The following EPM2AIP1 variants were observed in gnomAD, a reference collection of about 807,000 sequenced individuals.
EPM2AIP1 encodes the protein EPM2A-interacting protein 1.
EPM2AIP1 carries 23 observed loss-of-function variants against 44.8 expected under a neutral mutation model. The observed-to-expected ratio is 0.51, with a 90% CI of 0.37 to 0.73. The LOEUF is 0.73. Among genes scored for constraint, EPM2AIP1 ranks in the 30% least tolerant of loss-of-function variants. The pLI, the probability that EPM2AIP1 is intolerant of heterozygous loss-of-function variation, is 0.00. For synonymous variants in EPM2AIP1, 311 were observed against 284.3 expected (o/e 1.09, Z -0.94); for missense variants, 652 against 743.9 (o/e 0.88, Z 1.44).
Position 36,987,687 on chromosome 3 carries a change from A to G in EPM2AIP1, c.*3567T>C, listed in dbSNP as rs2080777955. 6.6e-6 allele frequency: 1 copy of G among 152,168 alleles called. No individual in the cohort carries two copies. The highest frequency in any genetic ancestry group is 1.5e-5 in the Non-Finnish European group (1 of 68,016). The allele number at this position is 152,168 out of a possible 1,614,324, so 9.4% of individuals were successfully genotyped here. ...TAATACATATTTAAGTCACATGCTA[A>G]GCACTACACTAAATTCTGAGAATAC... On this transcript the variant is annotated 3_prime_UTR_variant, in exon 1 of 1. Transcript: ENST00000322716.
chr3:36,991,881 T>C lies in EPM2AIP1; in HGVS notation c.1197A>G (p.Arg399=). The C allele has an allele frequency of 1.2e-6, 2 of 1,613,994 alleles. No individual in the cohort carries two copies. Among genetic ancestry groups the C allele is most frequent in the Non-Finnish European group, 1.7e-6 (2 of 1,179,894 alleles). Residue 399 remains arginine, a synonymous_variant, in exon 1 of 1, where the codon CGA becomes CGG. Coordinates refer to ENST00000322716, the MANE Select transcript of EPM2AIP1 (RefSeq NM_014805.4). ...CAGCAGCAGCAAAGACTTTACTAAC[T>C]CGTAATTCTTCACTGAGTTCTCGAA... ...EHLRELSEEL[R]VSKVFAAAAF... is the part of the protein sequence containing the mutation.
At position 36,988,750 on chromosome 3, in the gene EPM2AIP1, T is replaced by C. The variant is rs1365930350; in HGVS notation, c.*2504A>G. 1 of 152,008 alleles carries C rather than the reference T, an allele frequency of 6.6e-6. No individual in the cohort carries two copies. The highest frequency in any genetic ancestry group is 1.5e-5 in the Non-Finnish European group (1 of 68,016). 9.4% of individuals were successfully genotyped at this position (152,008 alleles called of 1,614,324 possible). A position where few individuals can be genotyped will look rare whatever the true frequency, so the allele number is the denominator to read the frequency against. ...CAAGGACTTAGCATAGTAGAGCAATTTGAGTGGCAATACGGGACACTGGGA... is the reference window on the plus strand; with the variant it reads ...CAAGGACTTAGCATAGTAGAGCAATCTGAGTGGCAATACGGGACACTGGGA... On this transcript the variant is annotated 3_prime_UTR_variant, in exon 1 of 1. Transcript: ENST00000322716.
chr3:36,991,884 T>TA lies in EPM2AIP1; in HGVS notation c.1193dup (p.Leu398PhefsTer4). The stretch of plus-strand genomic sequence containing the variant: ...CAGCAGCAAAGACTTTACTAACTCG[T>TA]AATTCTTCACTGAGTTCTCGAAGGT... On this transcript the variant is annotated frameshift_variant, in exon 1 of 1. Transcript: ENST00000322716. LOFTEE classifies it high-confidence loss of function. The TA allele has an allele frequency of 6.2e-7, 1 of 1,614,010 alleles. No individual in the cohort carries two copies. Among genetic ancestry groups the TA allele is most frequent in the Non-Finnish European group, 8.5e-7 (1 of 1,179,876 alleles).
rs764609675 is a variant in EPM2AIP1 at position 36,991,951 on chromosome 3, T to C, written c.1127A>G (p.Gln376Arg). 1.2e-6 allele frequency: 2 copies of C among 1,613,828 alleles called. No individual in the cohort carries two copies. ...CAAGAAGCCAAAGTCACAAAGCCATTGTTTGTCTGAGAAGTGGACTGTTGT... is the reference window on the plus strand; with the variant it reads ...CAAGAAGCCAAAGTCACAAAGCCATCGTTTGTCTGAGAAGTGGACTGTTGT... Reference protein sequence around the residue: ...GATTVHFSDKQWLCDFGFLVD... With the variant: ...GATTVHFSDKRWLCDFGFLVD... Residue 376 changes from glutamine to arginine, a missense_variant, in exon 1 of 1, where the codon CAA becomes CGA. Physicochemically the swap from Gln to Arg is conservative, Grantham distance 43. Transcript: ENST00000322716.
At position 36,991,072 on chromosome 3, in the gene EPM2AIP1, G is replaced by C. The variant is rs1174739833; in HGVS notation, c.*182C>G. 1 of 1,319,334 alleles carries C rather than the reference G, an allele frequency of 7.6e-7. No individual in the cohort carries two copies. Among genetic ancestry groups the C allele is most frequent in the African/African-American group, 1.5e-5 (1 of 67,470 alleles). 81.7% of individuals were successfully genotyped at this position (1,319,334 alleles called of 1,614,324 possible). A position where few individuals can be genotyped will look rare whatever the true frequency, so the allele number is the denominator to read the frequency against. Reference sequence around the variant, plus strand: ...AAAAAGGTGGCATTCTCATGTTTCAGTCCCATGCTGCCATTTGAGATGAAA... The same window carrying C: ...AAAAAGGTGGCATTCTCATGTTTCACTCCCATGCTGCCATTTGAGATGAAA... On this transcript the variant is annotated 3_prime_UTR_variant, in exon 1 of 1. Transcript: ENST00000322716.
At position 36,988,705 on chromosome 3, in the gene EPM2AIP1, A is replaced by G. The variant is rs1447498845; in HGVS notation, c.*2549T>C. On this transcript the variant is annotated 3_prime_UTR_variant, in exon 1 of 1. Coordinates refer to ENST00000322716, the MANE Select transcript of EPM2AIP1 (RefSeq NM_014805.4). ...AAGTCATCAAGTGTTCAAGTGTTTC[A>G]AGGAGGGTAAGACTATTAACAAGGA... 1 of 152,206 alleles carries G rather than the reference A, an allele frequency of 6.6e-6. No individual in the cohort carries two copies. The highest frequency in any genetic ancestry group is 1.5e-5 in the Non-Finnish European group (1 of 68,040). The allele number at this position is 152,206 out of a possible 1,614,324, so 9.4% of individuals were successfully genotyped here.
In EPM2AIP1 at chr3:36,991,470, G is replaced by A; in HGVS notation, c.1608C>T (p.Ser536=). 1.9e-6 allele frequency: 3 copies of A among 1,613,968 alleles called. No individual in the cohort carries two copies. Among genetic ancestry groups the A allele is most frequent in the Non-Finnish European group, 2.5e-6 (3 of 1,179,858 alleles). ...AGGCAACCCCTTTGATAATTGGGTA[G>A]GATTCAGCAGACAATCCAGCATAAA... The part of the protein sequence containing the change: ...GQFYAGLSAE[S]YPIIKGVACK... The change falls in exon 1 of 1, where the codon TCC becomes TCT. Residue 536 remains serine, a synonymous_variant. Coordinates refer to ENST00000322716, the MANE Select transcript of EPM2AIP1 (RefSeq NM_014805.4).
rs910700246 is a variant in EPM2AIP1 at position 36,986,807 on chromosome 3, A to C, written c.*4447T>G. On this transcript the variant is annotated 3_prime_UTR_variant, in exon 1 of 1. Transcript: ENST00000322716. ...AAAAAAAAAAAAAAAAAAAAAAGCCAGTTTTGCAGCAAGCACCAAATCACT... is the reference window on the plus strand; with the variant it reads ...AAAAAAAAAAAAAAAAAAAAAAGCCCGTTTTGCAGCAAGCACCAAATCACT... 1 of 149,812 alleles carries C rather than the reference A, an allele frequency of 6.7e-6. No homozygotes were observed. The highest frequency in any genetic ancestry group is 1.5e-5 in the Non-Finnish European group (1 of 67,524). The allele number at this position is 149,812 out of a possible 1,614,324, so 9.3% of individuals were successfully genotyped here. A position where few individuals can be genotyped will look rare whatever the true frequency, so the allele number is the denominator to read the frequency against.
chr3:36,992,530 G>A lies in EPM2AIP1; in HGVS notation c.548C>T (p.Ala183Val), dbSNP rs190305737. The A allele has an allele frequency of 1.3e-3, 2,167 of 1,614,018 alleles. 4 individuals are homozygous for A. The highest frequency in any genetic ancestry group is 3.0e-3 in the Admixed American group (181 of 60,022). The change falls in exon 1 of 1, where the codon GCT (alanine) becomes GTT (valine). Residue 183 changes from alanine to valine, a missense_variant. Physicochemically the swap from Ala to Val is moderately conservative, Grantham distance 64 (BLOSUM62 0). Transcript: ENST00000322716. This position sits in a 1 kb window ranked among gnomAD's most constrained non-coding sequence, Gnocchi z 5.3. ...KAYSLALDDQ[A>V]FVAYENYLLV... ...GAGGTAGTTCTCATAGGCCACAAAA[G>A]CCTGGTCGTCCAAGGCAAGAGAATA...
At position 36,992,176 on chromosome 3, in the gene EPM2AIP1, A is replaced by G. The variant is rs1355557367; in HGVS notation, c.902T>C (p.Ile301Thr). The stretch of plus-strand genomic sequence containing the variant: ...CTTAATCAAAACTATCCATTCGGAT[A>G]TGGTATTTATGATCTGATTAACATC... The part of the protein sequence containing the change: ...DVDVNQIINT[I>T]SEWIVLIKTR... Residue 301 changes from isoleucine to threonine, a missense_variant, in exon 1 of 1, where the codon ATA becomes ACA. Transcript: ENST00000322716. The surrounding 1 kb of genome is among the most constrained non-coding windows in gnomAD (Gnocchi z 5.3). The G allele has an allele frequency of 6.2e-7, 1 of 1,614,008 alleles. No homozygotes were observed. The highest frequency in any genetic ancestry group is 1.7e-5 in the Admixed American group (1 of 60,028).
Position 36,991,278 on chromosome 3 carries a change from T to C in EPM2AIP1, c.1800A>G (p.Arg600=), listed in dbSNP as rs915788726. The C allele has an allele frequency of 2.5e-6, 4 of 1,607,400 alleles. No homozygotes were observed. Among genetic ancestry groups the C allele is most frequent in the Admixed American group, 1.7e-5 (1 of 58,810 alleles). ...CTTATGGATTAGATTCATTTCTTTCTCTCACAAGGTCATCCCAACCGGGCT... is the reference window on the plus strand; with the variant it reads ...CTTATGGATTAGATTCATTTCTTTCCCTCACAAGGTCATCCCAACCGGGCT... ...EMEPGWDDLV[R]ERNESNP Residue 600 remains arginine, a synonymous_variant, in exon 1 of 1, where the codon AGA becomes AGG. Coordinates refer to ENST00000322716, the MANE Select transcript of EPM2AIP1 (RefSeq NM_014805.4).
chr3:36,992,925 T>G lies in EPM2AIP1; in HGVS notation c.153A>C (p.Glu51Asp). 1.2e-6 allele frequency: 2 copies of G among 1,612,642 alleles called. No homozygotes were observed. Among genetic ancestry groups the G allele is most frequent in the Non-Finnish European group, 1.7e-6 (2 of 1,179,884 alleles). Residue 51 changes from glutamate to aspartate, a missense_variant, in exon 1 of 1, where the codon GAA (glutamate) becomes GAC (aspartate). Glu to Asp is a conservative substitution (Grantham distance 45). Transcript: ENST00000322716. The surrounding 1 kb of genome is among the most constrained non-coding windows in gnomAD (Gnocchi z 5.3). ...CCTCGTAGTGGCGCCTGACGTCGCGTTCGCGGGTAGCTACGATGAGGCGGC... is the reference window on the plus strand; with the variant it reads ...CCTCGTAGTGGCGCCTGACGTCGCGGTCGCGGGTAGCTACGATGAGGCGGC... ...VCRRLIVATR[E>D]RDVRRHYEAE... is the part of the protein sequence containing the mutation.
rs2080794515 is a variant in EPM2AIP1, at chr3:36,990,241, T to C, written c.*1013A>G. ...TGTACGACAGTTCCAAATTTTAGAA[T>C]AAATCCATTTCTAGCATCTAACAAA... On this transcript the variant is annotated 3_prime_UTR_variant, in exon 1 of 1. Transcript: ENST00000322716. 2 of 188,816 alleles carry C rather than the reference T, an allele frequency of 1.1e-5. No individual in the cohort carries two copies. The highest frequency in any genetic ancestry group is 2.0e-5 in the Non-Finnish European group (2 of 101,408). 11.7% of individuals were successfully genotyped at this position (188,816 alleles called of 1,614,324 possible).
At position 36,991,782 on chromosome 3, in the gene EPM2AIP1, T is replaced by C. The variant is rs1395649657; in HGVS notation, c.1296A>G (p.Thr432=). ...CAACTTCTCTGAGGGCAGGAAAGTC[T>C]GTTAGATTTTTTTCCTCAATATGTC... The part of the protein sequence containing the change: ...FQRHIEEKNL[T]DFPALREVVD... The change falls in exon 1 of 1, where the codon ACA becomes ACG. Residue 432 remains threonine, a synonymous_variant. Transcript: ENST00000322716. The C allele has an allele frequency of 3.1e-6, 5 of 1,613,334 alleles. No individual in the cohort carries two copies. The African/African-American group carries it at 5.3e-5, about 17-fold the overall frequency.
rs1212708807 is a variant in EPM2AIP1 at position 36,988,974 on chromosome 3, CTTT to C, written c.*2277_*2279del. ...TTAATACAGAAAACAGTAAAATACACTTTTTTCTTTTTCTTTTTTTTTTTTTTT... is the reference window on the plus strand; with the variant it reads ...TTAATACAGAAAACAGTAAAATACACTTTCTTTTTCTTTTTTTTTTTTTTT... On this transcript the variant is annotated 3_prime_UTR_variant, in exon 1 of 1. Transcript: ENST00000322716. 1.4e-5 allele frequency: 2 copies of C among 139,256 alleles called. No individual in the cohort carries two copies. The highest frequency in any genetic ancestry group is 5.7e-5 in the African/African-American group (2 of 34,820). 8.6% of individuals were successfully genotyped at this position (139,256 alleles called of 1,614,324 possible). A position where few individuals can be genotyped will look rare whatever the true frequency, so the allele number is the denominator to read the frequency against.
In EPM2AIP1 at chr3:36,992,566, T is replaced by A. The variant is rs1472975910; in HGVS notation, c.512A>T (p.Asp171Val). 3 of 1,614,046 alleles carry A rather than the reference T, an allele frequency of 1.9e-6. No individual in the cohort carries two copies. In the South Asian group the frequency reaches 3.3e-5, roughly 18 times the overall value. ...CAAGGCAAGAGAATAGGCTTTAAAG[T>A]CCCTGGCTCGGTTAAAAAGCTGGTT... Reference protein sequence around the residue: ...LRNQLFNRARDFKAYSLALDD... With the variant: ...LRNQLFNRARVFKAYSLALDD... Residue 171 changes from aspartate to valine, a missense_variant, in exon 1 of 1, where the codon GAC becomes GTC. Asp to Val is a radical substitution (Grantham distance 152). Coordinates refer to ENST00000322716, the MANE Select transcript of EPM2AIP1 (RefSeq NM_014805.4). This position sits in a 1 kb window ranked among gnomAD's most constrained non-coding sequence, Gnocchi z 5.3.
rs772665383 is a variant in EPM2AIP1 at position 36,993,104 on chromosome 3, C to T, written c.-27G>A. The T allele has an allele frequency of 3.8e-6, 6 of 1,574,834 alleles. No individual in the cohort carries two copies. Among genetic ancestry groups the T allele is most frequent in the Non-Finnish European group, 5.2e-6 (6 of 1,158,938 alleles). Reference sequence around the variant, plus strand: ...CTGCGGGAGGCCACAAGAGCAGGGCCAACGTTAGAAAGGCCGCAAGGGGAG... The same window carrying T: ...CTGCGGGAGGCCACAAGAGCAGGGCTAACGTTAGAAAGGCCGCAAGGGGAG... On this transcript the variant is annotated 5_prime_UTR_variant, in exon 1 of 1. Coordinates refer to ENST00000322716, the MANE Select transcript of EPM2AIP1 (RefSeq NM_014805.4).
rs1482013490 is a variant in EPM2AIP1, at chr3:36,988,906, T to A, written c.*2348A>T. The A allele has an allele frequency of 6.0e-5, 9 of 150,282 alleles. No homozygotes were observed. The highest frequency in any genetic ancestry group is 2.0e-4 in the Admixed American group (3 of 15,128). The allele number at this position is 150,282 out of a possible 1,614,324, so 9.3% of individuals were successfully genotyped here. On this transcript the variant is annotated 3_prime_UTR_variant, in exon 1 of 1. Transcript: ENST00000322716. ...TACAACAGGACCAGTAACAACTATA[T>A]TTATTTAAAAAAAAAAAGACTGCCA...
rs540398230 is a variant in EPM2AIP1 at position 36,988,996 on chromosome 3, T to C, written c.*2258A>G. 3.3e-4 allele frequency: 50 copies of C among 150,462 alleles called. No homozygotes were observed. In the East Asian group the frequency reaches 8.9e-3, roughly 27 times the overall value. The allele number at this position is 150,462 out of a possible 1,614,324, so 9.3% of individuals were successfully genotyped here. A position where few individuals can be genotyped will look rare whatever the true frequency, so the allele number is the denominator to read the frequency against. ...ACACTTTTTTCTTTTTCTTTTTTTT[T>C]TTTTTTTTTTACAAACAAGACTAGC... On this transcript the variant is annotated 3_prime_UTR_variant, in exon 1 of 1. Transcript: ENST00000322716.
Sources: gnomAD v4.1 joint callset for allele counts on GRCh38, gnomAD v4.1.1 for gene constraint, Gnocchi (gnomAD v3.1) non-coding constraint, MANE v1.5 for transcripts, NCBI Gene and HGNC (gene_info 2026-07-23, HGNC 2026-07-21) for gene names.